Variants in OPCML observed in about 807,000 individuals in gnomAD.
The protein encoded by OPCML is opioid-binding protein/cell adhesion molecule.
A neutral mutation model predicts 37.8 loss-of-function variants in OPCML; 13 were observed. The ratio of observed to expected loss-of-function variants is 0.34; its 90% CI spans 0.22 to 0.55. The LOEUF is 0.55. OPCML is among the 20% of genes least tolerant of loss of function. The pLI is 0.91. For missense variants in OPCML, 341 were observed against 435.6 expected, an observed-to-expected ratio of 0.78 and a Z score of 1.93; for synonymous variants, 176 against 168.8, an observed-to-expected ratio of 1.04 and a Z score of -0.33.
rs772092757 is a variant in OPCML, at chr11:132,657,258, C to A, written c.208G>T (p.Ala70Ser). 6.2e-7 allele frequency: 1 copy of A among 1,614,074 alleles called. No homozygotes were observed. The highest frequency in any genetic ancestry group is 8.5e-7 in the Non-Finnish European group (1 of 1,180,052). The change falls in exon 3 of 8, where the codon GCT (alanine) becomes TCT (serine). Residue 70 changes from alanine to serine, a missense_variant. By Grantham distance (99) the Ala-to-Ser change is moderately conservative. Coordinates refer to ENST00000524381, the MANE Select transcript of OPCML (RefSeq NM_001012393.5). ...AWLNRSTILYAGNDKWSIDPR... is the reference protein window; with the variant it reads ...AWLNRSTILYSGNDKWSIDPR... ...TCTATGGACCACTTGTCATTCCCAG[C>A]GTAGAGGATGGTGCTGCGGTTTAGC...
intron 4 of OPCML, among the ~76,000 whole-genome samples, chr11:132,492,980 A>G (rs1167276394): frequency 6.6e-6 from 1 of 152,258 alleles, no homozygotes; most frequent in Non-Finnish European, 1.5e-5. Context: ...GGCATATAGT[A>G]GTTTCACAAT....
intron 1 of OPCML, among the ~76,000 whole-genome samples, chr11:133,466,858 T>G (rs1456558168): frequency 6.6e-6 from 1 of 152,172 alleles, no homozygotes; most frequent in African/African-American, 2.4e-5. Flanking sequence ...CAAAGGAATG[T>G]CTCATCTCAT....
At chr11:132,524,790 G>C (rs1012637240) in intron 4 of OPCML, among the ~76,000 whole-genome samples, 1 of 152,120 alleles carries the variant, frequency 6.6e-6, no homozygotes, top group East Asian at 1.9e-4. Context: ...AGAAAAGCTG[G>C]GATGTCTTGG....
chr11:132,678,212 A>G (rs1167720907), intron 2 of OPCML, among the ~76,000 whole-genome samples: 1 of 152,184 alleles, frequency 6.6e-6, no homozygotes, highest in Non-Finnish European at 1.5e-5. Flanking sequence ...CACACCTATT[A>G]ACCTGGCCAA....
intron 1 of OPCML, among the ~76,000 whole-genome samples, chr11:132,974,341 G>T (rs1946409657): frequency 6.6e-6 from 1 of 152,032 alleles, no homozygotes; most frequent in Non-Finnish European, 1.5e-5. Flanking sequence ...ATCACACTTT[G>T]CATACCAATA....
chr11:132,477,406 G>A (rs946063402), intron 4 of OPCML, among the ~76,000 whole-genome samples: 1 of 152,210 alleles, frequency 6.6e-6, no homozygotes, highest in African/African-American at 2.4e-5. Context: ...GCACACTGGG[G>A]ATGAGGACTT....
intron 2 of OPCML, among the ~76,000 whole-genome samples, chr11:132,768,046 G>T (rs1288337262): frequency 6.6e-6 from 1 of 152,164 alleles, no homozygotes; most frequent in Non-Finnish European, 1.5e-5. Flanking sequence ...TCAAAGAGAT[G>T]GTGTTGACCC....
intron 2 of OPCML, among the ~76,000 whole-genome samples, chr11:132,865,849 T>C (rs1942524297): frequency 6.6e-6 from 1 of 152,248 alleles, no homozygotes; most frequent in Non-Finnish European, 1.5e-5. Flanking sequence ...GCAGGTCATC[T>C]GGCCCCTGAG....
chr11:133,355,851 C>T (rs1224921871), intron 1 of OPCML, among the ~76,000 whole-genome samples: 1 of 152,206 alleles, frequency 6.6e-6, no homozygotes, highest in African/African-American at 2.4e-5. Context: ...TTGCAGCGAG[C>T]AAGGTCTGCA....
Position 132,998,621 on chromosome 11 carries a change from G to A in OPCML, c.62-55611C>T, listed in dbSNP as rs1946932562. 1.3e-5 allele frequency among the ~76,000 whole-genome samples: 2 copies of A among 152,196 alleles called. 1 individual carries two copies. Among genetic ancestry groups the A allele is most frequent in the South Asian group, 4.1e-4 (2 of 4,830 alleles). ...TCCAGAGAGAACTCTTCTATGCTCT[G>A]AATGTTTGTGACCCTCCAAATTTTA... On this transcript the variant is annotated intron_variant, in intron 1 of 7. Coordinates refer to ENST00000524381, the MANE Select transcript of OPCML (RefSeq NM_001012393.5).
intron 1 of OPCML, among the ~76,000 whole-genome samples, chr11:132,984,643 A>G (rs1018656154): frequency 1.3e-5 from 2 of 152,162 alleles, no homozygotes; most frequent in Non-Finnish European, 1.5e-5. Flanking sequence ...CGCTATGTGT[A>G]CTTCCTCCCA....
At chr11:132,820,497 G>GTGT (rs763790501) in intron 2 of OPCML, among the ~76,000 whole-genome samples, 9 of 151,874 alleles carry the variant, frequency 5.9e-5, no homozygotes, top group South Asian at 4.2e-4. Flanking sequence ...ATATATATGT[G>GTGT]GTGTGTGTGT....
At chr11:132,764,010 A>G (rs1483662864) in intron 2 of OPCML, among the ~76,000 whole-genome samples, 1 of 152,246 alleles carries the variant, frequency 6.6e-6, no homozygotes, top group Admixed American at 6.5e-5. Context: ...CTAGGCCTCA[A>G]AGGCATTATG....
rs1034901355 is a variant in OPCML, at chr11:132,666,703, T to C, written c.147-9384A>G. ...TATTGGGTACTGATAGAGTCTTAGA[T>C]AGAAGGCAGGGCAGCCATGTGGGGT... On this transcript the variant is annotated intron_variant, in intron 2 of 7. Coordinates refer to ENST00000524381, the MANE Select transcript of OPCML (RefSeq NM_001012393.5). Among the ~76,000 whole-genome samples the C allele has an allele frequency of 2.6e-5, 4 of 152,264 alleles. No individual in the cohort carries two copies. The East Asian group carries it at 7.7e-4, about 29-fold the overall frequency.
intron 1 of OPCML, among the ~76,000 whole-genome samples, chr11:133,108,450 C>A (rs1256892122): frequency 1.3e-5 from 2 of 152,140 alleles, no homozygotes. Context: ...ATCAACAATC[C>A]ATCATACATC....
chr11:133,435,555 A>T (rs1946216384), intron 1 of OPCML, among the ~76,000 whole-genome samples: 2 of 152,232 alleles, frequency 1.3e-5, no homozygotes, highest in African/African-American at 4.8e-5. Context: ...ACAAATAAAT[A>T]ACATCCTCAT....
chr11:132,843,754 G>A (rs1442500154), intron 2 of OPCML, among the ~76,000 whole-genome samples: 1 of 152,210 alleles, frequency 6.6e-6, no homozygotes, highest in Non-Finnish European at 1.5e-5. Context: ...TCATCACTGC[G>A]AAGGACAGGC....
At chr11:132,763,403 G>T in intron 2 of OPCML, among the ~76,000 whole-genome samples, 1 of 152,134 alleles carries the variant, frequency 6.6e-6, no homozygotes, top group East Asian at 1.9e-4. Context: ...GAGCAATTGG[G>T]ACAATTTCTT....
intron 1 of OPCML, among the ~76,000 whole-genome samples, chr11:133,458,489 T>G (rs867601639): frequency 7.7e-6 from 1 of 130,630 alleles, no homozygotes; most frequent in Non-Finnish European, 1.5e-5. Context: ...TATACACATA[T>G]ATACACGTGT....
Sources: allele counts gnomAD v4.1 joint callset (sites outside exome capture counted in the v4.1 genomes callset), GRCh38; gene constraint gnomAD v4.1.1; transcripts MANE v1.5; gene names NCBI Gene and HGNC (gene_info 2026-07-23, HGNC 2026-07-21).